NRG3: variants seen among roughly 807,000 people sequenced by gnomAD.
NRG3 encodes neuregulin 3, also known as pro-neuregulin-3, membrane-bound isoform.
NRG3 carries 31 observed loss-of-function variants against 66.9 expected under a neutral mutation model. The ratio of observed to expected loss-of-function variants is 0.46; its 90% CI spans 0.35 to 0.63. The LOEUF (loss-of-function observed/expected upper bound fraction) is 0.63, where lower values mean the gene tolerates loss of function less well. NRG3 is among the 20% of genes least tolerant of loss of function. NRG3 has a pLI of 0.00. For synonymous variants in NRG3, 393 were observed against 359.4 expected (o/e 1.09, Z -1.06); for missense variants, 910 against 878.9 (o/e 1.04, Z -0.45).
At chr10:82,856,171 G>A (rs1205478244) in intron 3 of NRG3, among the ~76,000 whole-genome samples, 1 of 152,288 alleles carries the variant, frequency 6.6e-6, no homozygotes, top group South Asian at 2.1e-4. Context: ...AAGACATATA[G>A]ATGTCACATG....
intron 2 of NRG3, among the ~76,000 whole-genome samples, chr10:82,700,253 C>T (rs1428454552): frequency 3.3e-5 from 5 of 152,126 alleles, no homozygotes. Flanking sequence ...AGAAAACCAG[C>T]TTGAAAATAA....
chr10:81,970,415 G>A (rs2059890952), intron 1 of NRG3, among the ~76,000 whole-genome samples: 1 of 152,162 alleles, frequency 6.6e-6, no homozygotes, highest in African/African-American at 2.4e-5. Context: ...GGTTTATAGA[G>A]TAAAAGATTC....
Position 82,933,535 on chromosome 10 carries a change from C to T in NRG3, c.1055-17934C>T, listed in dbSNP as rs190319630. Among the ~76,000 whole-genome samples, 24 of 152,218 alleles carry T rather than the reference C, an allele frequency of 1.6e-4. 2 individuals carry two copies. Among genetic ancestry groups the T allele is most frequent in the Admixed American group, 1.3e-4 (2 of 15,284 alleles). On this transcript the variant is annotated intron_variant, in intron 4 of 8. Transcript: ENST00000372141. ...CACTATTTCCTATTTATTTTGTGTC[C>T]ATTCGCCAGCTAGATTGCAGAAGTT...
intron 1 of NRG3, among the ~76,000 whole-genome samples, chr10:82,171,913 T>G (rs1002790279): frequency 1.3e-5 from 2 of 151,968 alleles, no homozygotes; most frequent in African/African-American, 4.8e-5. Flanking sequence ...TTGTAAGAGG[T>G]GATAAGGAAT....
chr10:82,458,006 G>T (rs1363432212), intron 2 of NRG3, among the ~76,000 whole-genome samples: 1 of 152,226 alleles, frequency 6.6e-6, no homozygotes, highest in Non-Finnish European at 1.5e-5. Context: ...GAAAGGCACA[G>T]ACCGTGGTGT....
intron 2 of NRG3, among the ~76,000 whole-genome samples, chr10:82,472,593 A>C (rs887537011): frequency 6.6e-6 from 1 of 152,216 alleles, no homozygotes; most frequent in Non-Finnish European, 1.5e-5. Flanking sequence ...GTGCATTTCT[A>C]CTTGACTAAT....
chr10:82,550,933 G>A (rs956563864), intron 2 of NRG3, among the ~76,000 whole-genome samples: 1 of 152,062 alleles, frequency 6.6e-6, no homozygotes, highest in Non-Finnish European at 1.5e-5. Flanking sequence ...CGGGTACTTG[G>A]TTTCAATCCT....
chr10:82,922,764 A>C (rs956318124), intron 4 of NRG3, among the ~76,000 whole-genome samples: 2 of 152,122 alleles, frequency 1.3e-5, no homozygotes, highest in African/African-American at 4.8e-5. Flanking sequence ...TCTTTTTTAC[A>C]TTCAGTTGTC....
intron 2 of NRG3, among the ~76,000 whole-genome samples, chr10:82,463,276 T>A (rs1462579156): frequency 2.6e-5 from 4 of 152,234 alleles, no homozygotes; most frequent in African/African-American, 9.6e-5. Flanking sequence ...TAATTCATTA[T>A]AATTAGTCTT....
At chr10:81,881,148 G>T (rs577128119) in intron 1 of NRG3, among the ~76,000 whole-genome samples, 5 of 150,784 alleles carry the variant, frequency 3.3e-5, no homozygotes, top group Non-Finnish European at 7.4e-5. Flanking sequence ...TCATGGCTCT[G>T]ACTGAAGGCT....
chr10:82,353,496 A>G (rs1302743179), intron 1 of NRG3, among the ~76,000 whole-genome samples: 1 of 152,166 alleles, frequency 6.6e-6, no homozygotes, highest in Non-Finnish European at 1.5e-5. Flanking sequence ...TACTCTACTG[A>G]TTACTTACTA....
chr10:82,104,115 C>T (rs1023940041), intron 1 of NRG3, among the ~76,000 whole-genome samples: 4 of 152,002 alleles, frequency 2.6e-5, no homozygotes, highest in Non-Finnish European at 4.4e-5. Flanking sequence ...ACTTTTGTCT[C>T]TCATTTGCCT....
intron 2 of NRG3, among the ~76,000 whole-genome samples, chr10:82,366,795 T>A (rs191333345): frequency 2.0e-5 from 3 of 152,330 alleles, no homozygotes; most frequent in Admixed American, 1.3e-4. Flanking sequence ...GTGATTTACT[T>A]TTTTCTTAAT....
intron 4 of NRG3, among the ~76,000 whole-genome samples, chr10:82,908,144 G>A (rs2078061): frequency 0.082 from 12,534 of 152,218 alleles, 1,090 homozygotes; most frequent in African/African-American, 0.22. Flanking sequence ...GTATTGTGGT[G>A]GAAAACCAAC....
At chr10:82,913,401 CT>C (rs1333639901) in intron 4 of NRG3, among the ~76,000 whole-genome samples, 3 of 152,058 alleles carry the variant, frequency 2.0e-5, no homozygotes, top group Non-Finnish European at 4.4e-5. Context: ...ACCTCTCTCC[CT>C]TTCCCTAAGT....
intron 1 of NRG3, among the ~76,000 whole-genome samples, chr10:82,313,801 G>A (rs2081158479): frequency 6.6e-6 from 1 of 152,176 alleles, no homozygotes. Context: ...GGCGATTGAA[G>A]GCTTGGGGGA....
At chr10:82,930,698 G>T (rs17107795) in intron 4 of NRG3, among the ~76,000 whole-genome samples, 14,124 of 152,176 alleles carry the variant, frequency 0.093, 894 homozygotes, top group African/African-American at 0.16. Context: ...CAGCAAAACT[G>T]CCAAGGTGCT....
chr10:82,362,026 C>G (rs17099862), intron 2 of NRG3, among the ~76,000 whole-genome samples: 40 of 122,588 alleles, frequency 3.3e-4, no homozygotes, highest in South Asian at 5.5e-4. Context: ...TCTCAAGGAA[C>G]GATAAGAACA....
Position 82,394,663 on chromosome 10 carries a change from T to C in NRG3, c.953+35795T>C, listed in dbSNP as rs530736343. Among the ~76,000 whole-genome samples the C allele has an allele frequency of 2.0e-5, 3 of 152,282 alleles. No individual in the cohort carries two copies. The East Asian group carries it at 5.8e-4, about 29-fold the overall frequency. On this transcript the variant is annotated intron_variant, in intron 2 of 8. Transcript: ENST00000372141. Reference sequence around the variant, plus strand: ...TATCAGCAGTATTTTATTAAAACCATTAGTAAAATACAGAGAATATCTAAT... The same window carrying C: ...TATCAGCAGTATTTTATTAAAACCACTAGTAAAATACAGAGAATATCTAAT...
Sources: gnomAD v4.1 joint callset for allele counts (sites outside exome capture counted in the v4.1 genomes callset) on GRCh38, gnomAD v4.1.1 for gene constraint, MANE v1.5 for transcripts, NCBI Gene and HGNC (gene_info 2026-07-23, HGNC 2026-07-21) for gene names.